ARHGAP15: variants seen among roughly 807,000 people sequenced by gnomAD.
ARHGAP15 encodes the protein Rho GTPase activating protein 15, also known as rho GTPase-activating protein 15.
ARHGAP15 carries 51 observed loss-of-function variants against 63.7 expected under a neutral mutation model. The ratio of observed to expected loss-of-function variants is 0.80; its 90% confidence interval spans 0.64 to 1.01. ARHGAP15 has a LOEUF of 1.01. Among genes scored for constraint, ARHGAP15 ranks in the 50% least tolerant of loss-of-function variants. The probability of loss-of-function intolerance (pLI) is 0.00; values close to 1 mark genes in which losing one functional copy is unlikely to be tolerated. For missense variants in ARHGAP15, 560 were observed against 564.6 expected, an observed-to-expected ratio of 0.99 and a Z score of 0.08; for synonymous variants, 191 against 193.8, an observed-to-expected ratio of 0.99 and a Z score of 0.12.
chr2:143,482,238 A>G (rs914015893), intron 8 of ARHGAP15, among the ~76,000 whole-genome samples: 3 of 152,174 alleles, frequency 2.0e-5, no homozygotes, highest in East Asian at 1.9e-4. Context: ...TTTATTTTCA[A>G]ATAAAAACTC....
intron 6 of ARHGAP15, among the ~76,000 whole-genome samples, chr2:143,324,945 A>G (rs1011108275): frequency 1.3e-5 from 2 of 152,182 alleles, no homozygotes; most frequent in South Asian, 2.1e-4. Flanking sequence ...CATGATTATA[A>G]TGAATATTCA....
intron 12 of ARHGAP15, among the ~76,000 whole-genome samples, chr2:143,642,948 T>A (rs769858451): frequency 7.2e-5 from 11 of 152,142 alleles, no homozygotes; most frequent in Non-Finnish European, 5.9e-5. Context: ...TAATCCAGTA[T>A]TGTGAATCCC....
At chr2:143,566,977 G>A (rs971033003) in intron 11 of ARHGAP15, among the ~76,000 whole-genome samples, 3 of 151,678 alleles carry the variant, frequency 2.0e-5, no homozygotes, top group African/African-American at 4.8e-5. Context: ...CCGGGTTCAT[G>A]CCATTCTCCT....
chr2:143,537,976 G>A (rs1010770188), intron 10 of ARHGAP15, among the ~76,000 whole-genome samples: 12 of 152,060 alleles, frequency 7.9e-5, no homozygotes, highest in Non-Finnish European at 1.2e-4. Context: ...GGGCAGTATG[G>A]CCATTTTCAC....
At chr2:143,448,538 G>A (rs139401542) in intron 8 of ARHGAP15, among the ~76,000 whole-genome samples, 1 of 152,108 alleles carries the variant, frequency 6.6e-6, no homozygotes, top group African/African-American at 2.4e-5. Context: ...AGTAGGAATA[G>A]GTGAAGAAGA....
chr2:143,520,463 G>A (rs867375702), intron 10 of ARHGAP15, among the ~76,000 whole-genome samples: 1 of 152,100 alleles, frequency 6.6e-6, no homozygotes, highest in South Asian at 2.1e-4. Flanking sequence ...GGTAGGGAAT[G>A]TGGATAAAGA....
intron 6 of ARHGAP15, among the ~76,000 whole-genome samples, chr2:143,419,589 T>C (rs1558958909): frequency 6.8e-6 from 1 of 147,752 alleles, no homozygotes; most frequent in African/African-American, 2.6e-5. Flanking sequence ...CATGATATGT[T>C]AAAAAAAATA....
chr2:143,448,331 C>T (rs902033494), intron 8 of ARHGAP15, among the ~76,000 whole-genome samples: 5 of 151,996 alleles, frequency 3.3e-5, no homozygotes, highest in Non-Finnish European at 5.9e-5. Flanking sequence ...TGAAAGACTT[C>T]AATGCAGGCA....
rs991949618 is a variant in ARHGAP15 at position 143,334,569 on chromosome 2, T to C, written c.474+83969T>C. Among the ~76,000 whole-genome samples, 4 of 152,212 alleles carry C rather than the reference T, an allele frequency of 2.6e-5. No homozygotes were observed. The South Asian group carries it at 8.3e-4, about 32-fold the overall frequency. ...GATGTAAAGCATGATTGCAAAACTT[T>C]AATAATAGTGTGGGAGGAAACTGCA... On this transcript the variant is annotated intron_variant, in intron 6 of 13. Coordinates refer to ENST00000295095, the MANE Select transcript of ARHGAP15 (RefSeq NM_018460.4).
At chr2:143,542,032 G>A (rs908179237) in intron 10 of ARHGAP15, among the ~76,000 whole-genome samples, 4 of 152,332 alleles carry the variant, frequency 2.6e-5, no homozygotes, top group Admixed American at 6.5e-5. Flanking sequence ...CACCCAGTTC[G>A]AGGTTCCTGG....
chr2:143,305,259 T>A (rs757921920), intron 6 of ARHGAP15: 1 of 138,752 alleles, frequency 7.2e-6, no homozygotes, highest in Non-Finnish European at 1.5e-5. Flanking sequence ...TTCTAATAAG[T>A]GGGAGTTGAA....
rs1681249513 is a variant in ARHGAP15 at position 143,652,998 on chromosome 2, G to A, written c.1138+28731G>A. ...TCCTGTTCTCTTCTTTAGATGGAAAGCATTCAATCTTTCATTATTAAATAT... is the reference window on the plus strand; with the variant it reads ...TCCTGTTCTCTTCTTTAGATGGAAAACATTCAATCTTTCATTATTAAATAT... On this transcript the variant is annotated intron_variant, in intron 12 of 13. Transcript: ENST00000295095. Among the ~76,000 whole-genome samples the A allele has an allele frequency of 5.3e-5, 8 of 152,002 alleles. 1 individual carries two copies. The highest frequency in any genetic ancestry group is 5.2e-4 in the Admixed American group (8 of 15,250).
chr2:143,353,475 G>A (rs146254365), intron 6 of ARHGAP15, among the ~76,000 whole-genome samples: 381 of 152,198 alleles, frequency 2.5e-3, no homozygotes, highest in Non-Finnish European at 4.1e-3. Flanking sequence ...CTTTAGTTAG[G>A]TTAAATACAT....
chr2:143,285,553 T>C (rs932370360), intron 6 of ARHGAP15, among the ~76,000 whole-genome samples: 1 of 152,208 alleles, frequency 6.6e-6, no homozygotes, highest in African/African-American at 2.4e-5. Context: ...TACTATAGCA[T>C]AAAGGCTTTT....
intron 11 of ARHGAP15, among the ~76,000 whole-genome samples, chr2:143,592,131 A>G (rs1697345460): frequency 6.6e-6 from 1 of 152,094 alleles, no homozygotes; most frequent in Non-Finnish European, 1.5e-5. Context: ...GCCAATCCTA[A>G]TATATCCTCA....
intron 6 of ARHGAP15, among the ~76,000 whole-genome samples, chr2:143,277,425 T>A (rs1475620970): frequency 1.3e-5 from 2 of 151,966 alleles, no homozygotes; most frequent in East Asian, 3.9e-4. Context: ...ATTATATATG[T>A]GCTTGACACA....
At chr2:143,297,514 C>T (rs953475401) in intron 6 of ARHGAP15, among the ~76,000 whole-genome samples, 1 of 151,934 alleles carries the variant, frequency 6.6e-6, no homozygotes, top group African/African-American at 2.4e-5. Context: ...TCCTTTACCC[C>T]CTTTGTGTGG....
chr2:143,217,310 A>G (rs1284657602), intron 4 of ARHGAP15, among the ~76,000 whole-genome samples: 1 of 152,240 alleles, frequency 6.6e-6, no homozygotes, highest in East Asian at 1.9e-4. Context: ...GGTTATAATG[A>G]ATTAATATAT....
At chr2:143,325,246 G>A (rs1684198190) in intron 6 of ARHGAP15, among the ~76,000 whole-genome samples, 1 of 152,094 alleles carries the variant, frequency 6.6e-6, no homozygotes, top group Non-Finnish European at 1.5e-5. Flanking sequence ...GCTTGAAACA[G>A]ACATTATAAA....
Sources: gnomAD v4.1 joint callset for allele counts (sites outside exome capture counted in the v4.1 genomes callset) on GRCh38, gnomAD v4.1.1 for gene constraint, MANE v1.5 for transcripts, NCBI Gene and HGNC (gene_info 2026-07-23, HGNC 2026-07-21) for gene names.